The following SEMA5A variants were observed in gnomAD, a reference collection of about 807,000 sequenced individuals.
The protein encoded by SEMA5A is semaphorin 5A, also known as semaphorin-5A.
In SEMA5A, 55 loss-of-function variants were observed where a neutral mutation model predicts 135.5. That is an observed-to-expected ratio of 0.41 (90% CI 0.33 to 0.51). The LOEUF is 0.51. SEMA5A is among the 20% of genes least tolerant of loss of function. SEMA5A has a pLI of 0.37. For missense variants in SEMA5A, 1,290 were observed against 1,419.9 expected, an observed-to-expected ratio of 0.91 and a Z score of 1.47; for synonymous variants, 580 against 546.5, an observed-to-expected ratio of 1.06 and a Z score of -0.85.
At chr5:9,532,360 G>A (rs1737495138) in intron 1 of SEMA5A, among the ~76,000 whole-genome samples, 1 of 151,880 alleles carries the variant, frequency 6.6e-6, no homozygotes, top group Non-Finnish European at 1.5e-5. Context: ...CCGCTTCCTG[G>A]GTTCAAGCAT....
At chr5:9,110,324 A>T (rs1740170217) in intron 15 of SEMA5A, among the ~76,000 whole-genome samples, 1 of 152,188 alleles carries the variant, frequency 6.6e-6, no homozygotes, top group Non-Finnish European at 1.5e-5. Flanking sequence ...GGAGCCCCTG[A>T]GATTCGAGGA....
At chr5:9,340,977 G>A (rs895532740) in intron 3 of SEMA5A, among the ~76,000 whole-genome samples, 5 of 151,820 alleles carry the variant, frequency 3.3e-5, no homozygotes, top group Admixed American at 3.3e-4. Context: ...CCCTTTAATC[G>A]CTTCTCAATT....
intron 5 of SEMA5A, among the ~76,000 whole-genome samples, chr5:9,310,794 C>CATATAAACATAT (rs1362364083): frequency 5.5e-5 from 4 of 72,074 alleles, no homozygotes; most frequent in African/African-American, 1.2e-4. Flanking sequence ...TCATAGTTTG[C>CATATAAACATAT]ATATATACAT....
intron 1 of SEMA5A, among the ~76,000 whole-genome samples, chr5:9,543,956 G>T: frequency 6.6e-6 from 1 of 152,094 alleles, no homozygotes; most frequent in East Asian, 1.9e-4. Context: ...TAACTTAATG[G>T]TATTATCTGC....
chr5:9,453,793 TAAG>T (rs1393405364), intron 1 of SEMA5A, among the ~76,000 whole-genome samples: 3 of 152,110 alleles, frequency 2.0e-5, no homozygotes, highest in South Asian at 2.1e-4. Context: ...CTCTCAATGA[TAAG>T]AAGAAAAGAC....
intron 2 of SEMA5A, among the ~76,000 whole-genome samples, chr5:9,407,923 A>C (rs1196067226): frequency 6.6e-6 from 1 of 151,906 alleles, no homozygotes; most frequent in Admixed American, 6.6e-5. Context: ...TACCACTACC[A>C]TGACCACCAT....
At chr5:9,310,802 C>CACATATAT (rs146110242) in intron 5 of SEMA5A, among the ~76,000 whole-genome samples, 5 of 146,234 alleles carry the variant, frequency 3.4e-5, no homozygotes, top group African/African-American at 7.5e-5. Context: ...TGCATATATA[C>CACATATAT]ATATATATAT....
chr5:9,100,363 TG>T (rs1739559273), intron 16 of SEMA5A, among the ~76,000 whole-genome samples: 1 of 152,160 alleles, frequency 6.6e-6, no homozygotes, highest in Non-Finnish European at 1.5e-5. Flanking sequence ...CACATCCACC[TG>T]GGGCACACAC....
At chr5:9,341,645 C>CTATATATATATAATATATATAATATATAT (rs1753658372) in intron 3 of SEMA5A, among the ~76,000 whole-genome samples, 1 of 136,978 alleles carries the variant, frequency 7.3e-6, no homozygotes, top group Admixed American at 7.9e-5. Context: ...GCCAATATGA[C>CTATATATATATAATATATATAATATATAT]TATATATATA....
intron 1 of SEMA5A, among the ~76,000 whole-genome samples, chr5:9,509,944 T>C (rs796655765): frequency 6.6e-6 from 1 of 152,100 alleles, no homozygotes; most frequent in African/African-American, 2.4e-5. Flanking sequence ...CTAGAAAGAA[T>C]ATTATTTCAA....
chr5:9,319,609 A>G (rs773674800), intron 4 of SEMA5A, among the ~76,000 whole-genome samples: 7 of 152,050 alleles, frequency 4.6e-5, no homozygotes, highest in Non-Finnish European at 8.8e-5. Context: ...CACCAGCAGC[A>G]CCCCAAAGAG....
chr5:9,299,857 G>C (rs1751524498), intron 5 of SEMA5A, among the ~76,000 whole-genome samples: 1 of 152,190 alleles, frequency 6.6e-6, no homozygotes, highest in Non-Finnish European at 1.5e-5. Context: ...CCAGGCCTCA[G>C]ATATCCAAAT....
intron 5 of SEMA5A, among the ~76,000 whole-genome samples, chr5:9,303,262 G>A (rs761197914): frequency 2.0e-5 from 3 of 151,818 alleles, no homozygotes; most frequent in South Asian, 2.1e-4. Context: ...GAATACAGGC[G>A]CCCACCACCA....
chr5:9,449,394 A>T (rs1310800818), intron 1 of SEMA5A, among the ~76,000 whole-genome samples: 2 of 152,100 alleles, frequency 1.3e-5, no homozygotes, highest in African/African-American at 2.4e-5. Context: ...ATGGGGGGGA[A>T]CAACATACCT....
At chr5:9,083,797 G>C (rs1738527460) in intron 16 of SEMA5A, among the ~76,000 whole-genome samples, 1 of 152,218 alleles carries the variant, frequency 6.6e-6, no homozygotes, top group Admixed American at 6.5e-5. Context: ...GAGTTAAGAT[G>C]CAAGAGGGAC....
rs1300334897 is a variant in SEMA5A, at chr5:9,457,744, GT to G, written c.-174-19893del. Among the ~76,000 whole-genome samples, 7 of 152,026 alleles carry G rather than the reference GT, an allele frequency of 4.6e-5. No individual in the cohort carries two copies. The East Asian group carries it at 1.2e-3, about 25-fold the overall frequency. ...GATTCATCCTATTGCTATTAGGAAG[GT>G]TTTTTTCCTCCAAACAACTTTTCAA... On this transcript the variant is annotated intron_variant, in intron 1 of 22. Coordinates refer to ENST00000382496, the MANE Select transcript of SEMA5A (RefSeq NM_003966.3).
At chr5:9,268,980 G>A (rs1458385403) in intron 5 of SEMA5A, among the ~76,000 whole-genome samples, 3 of 152,012 alleles carry the variant, frequency 2.0e-5, no homozygotes, top group Admixed American at 6.5e-5. Flanking sequence ...CATTTACATC[G>A]TACAATTACC....
At chr5:9,477,307 G>T (rs1425023337) in intron 1 of SEMA5A, among the ~76,000 whole-genome samples, 2 of 152,130 alleles carry the variant, frequency 1.3e-5, no homozygotes, top group Non-Finnish European at 2.9e-5. Context: ...ATGTAATACA[G>T]GAAATCAGTA....
rs1006206022 is a variant in SEMA5A at position 9,057,597 on chromosome 5, A to G, written c.2519-3340T>C. Among the ~76,000 whole-genome samples the G allele has an allele frequency of 2.6e-5, 4 of 152,242 alleles. 1 individual carries two copies. Among genetic ancestry groups the G allele is most frequent in the Middle Eastern group, 6.3e-3 (2 of 316 alleles). ...GGAGCTGTTGTTTGAATAACCGTTT[A>G]AGAGAGCATTTGGAACAGAATCCAG... On this transcript the variant is annotated intron_variant, in intron 18 of 22. Transcript: ENST00000382496.
Sources: allele counts gnomAD v4.1 joint callset (sites outside exome capture counted in the v4.1 genomes callset), GRCh38; gene constraint gnomAD v4.1.1; transcripts MANE v1.5; gene names NCBI Gene and HGNC (gene_info 2026-07-23, HGNC 2026-07-21).